Variants in PLCE1 observed in about 807,000 individuals in gnomAD.
The protein encoded by PLCE1 is 1-phosphatidylinositol 4,5-bisphosphate phosphodiesterase epsilon-1.
A neutral mutation model predicts 242.8 loss-of-function variants in PLCE1; 119 were observed. The observed-to-expected ratio is 0.49, with a 90% confidence interval of 0.42 to 0.57. The LOEUF is 0.57. Ranked by LOEUF, PLCE1 falls within the 20% of genes least tolerant of loss-of-function variation. The pLI, the probability that PLCE1 is intolerant of heterozygous loss-of-function variation, is 0.00. For missense variants in PLCE1, 2,441 were observed against 2,788.8 expected (o/e 0.88, Z 2.81); for synonymous variants, 945 against 1,017.4 (o/e 0.93, Z 1.35).
Position 94,254,527 on chromosome 10 carries a change from A to G in PLCE1, c.3397+220A>G, listed in dbSNP as rs2050997073. Among the ~76,000 whole-genome samples the G allele has an allele frequency of 6.6e-6, 1 of 152,218 alleles. No homozygotes were observed. The highest frequency in any genetic ancestry group is 1.5e-5 in the Non-Finnish European group (1 of 68,026). On this transcript the variant is annotated intron_variant, in intron 10 of 32. Transcript: ENST00000371380. ...TGCCATTACTGACAGGGAGTATTAG[A>G]TATACATGGTATAATTTGATGGATT...
intron 1 of PLCE1, among the ~76,000 whole-genome samples, chr10:93,996,081 A>G (rs1026465307): frequency 2.6e-5 from 4 of 152,058 alleles, no homozygotes; most frequent in Non-Finnish European, 5.9e-5. Flanking sequence ...CCTGGGCAAG[A>G]GGAGGGATTT....
At position 94,298,730 on chromosome 10, in the gene PLCE1, G is replaced by A; in HGVS notation, c.5458+61G>A. 1 of 1,577,094 alleles carries A rather than the reference G, an allele frequency of 6.3e-7. No homozygotes were observed. On this transcript the variant is annotated intron_variant, in intron 24 of 32. Transcript: ENST00000371380. The surrounding 1 kb of genome is among the most constrained non-coding windows in gnomAD (Gnocchi z 5.2). ...TCTTACATTTCAGTAAATGCAGTTTGACAGCATTTTTTCAAAGGGGCAAGA... is the reference window on the plus strand; with the variant it reads ...TCTTACATTTCAGTAAATGCAGTTTAACAGCATTTTTTCAAAGGGGCAAGA...
intron 22 of PLCE1, chr10:94,287,182 A>G (rs1396396889): frequency 1.3e-5 from 2 of 151,396 alleles, no homozygotes; most frequent in African/African-American, 4.9e-5. Context: ...TTCACATAGC[A>G]TACATTTCTT....
intron 4 of PLCE1, among the ~76,000 whole-genome samples, chr10:94,181,286 C>T (rs1401839041): frequency 6.6e-6 from 1 of 152,010 alleles, no homozygotes; most frequent in Non-Finnish European, 1.5e-5. Flanking sequence ...TTGAAAAGCT[C>T]CATGGGCCGG....
intron 24 of PLCE1, among the ~76,000 whole-genome samples, chr10:94,299,109 T>C (rs2052946353): frequency 6.6e-6 from 1 of 152,164 alleles, no homozygotes; most frequent in Non-Finnish European, 1.5e-5. Context: ...CCTTTTGGAA[T>C]TGAGATGGAG....
chr10:94,165,760 T>C (rs1453173288), intron 3 of PLCE1, among the ~76,000 whole-genome samples: 1 of 152,002 alleles, frequency 6.6e-6, no homozygotes, highest in African/African-American at 2.4e-5. Flanking sequence ...CAGGTTGGAA[T>C]GCAGTGGTGC....
rs2046359326 is a variant in PLCE1 at position 94,123,617 on chromosome 10, T to C, written c.1207-8557T>C. Among the ~76,000 whole-genome samples the C allele has an allele frequency of 2.6e-5, 4 of 152,208 alleles. No individual in the cohort carries two copies. The South Asian group carries it at 8.3e-4, about 32-fold the overall frequency. On this transcript the variant is annotated intron_variant, in intron 2 of 32. Transcript: ENST00000371380. ...TACCCCCTCCAACAGCCTCACTGTT[T>C]TTGTTGACTCTTCAGGAAATTCGAC...
intron 19 of PLCE1, among the ~76,000 whole-genome samples, chr10:94,277,755 A>G (rs540382445): frequency 7.2e-5 from 11 of 152,276 alleles, no homozygotes; most frequent in African/African-American, 2.2e-4. Flanking sequence ...CACTAATCCT[A>G]TGAGAGACTC....
At chr10:94,040,178 A>G (rs2061737957) in intron 2 of PLCE1, among the ~76,000 whole-genome samples, 1 of 152,040 alleles carries the variant, frequency 6.6e-6, no homozygotes, top group Non-Finnish European at 1.5e-5. Flanking sequence ...CTAGTCTCCA[A>G]CTTCTGGCCT....
intron 4 of PLCE1, among the ~76,000 whole-genome samples, chr10:94,178,896 G>T (rs376075436): frequency 6.6e-6 from 1 of 152,042 alleles, no homozygotes; most frequent in African/African-American, 2.4e-5. Context: ...GTTTAGAAAC[G>T]TCTCAATCAA....
At chr10:94,323,117 C>G (rs1308939409) in intron 30 of PLCE1, among the ~76,000 whole-genome samples, 1 of 152,208 alleles carries the variant, frequency 6.6e-6, no homozygotes, top group African/African-American at 2.4e-5. Context: ...CCAGAAATAC[C>G]TAAGCCAGTA....
At chr10:94,081,046 T>C (rs1262855477) in intron 2 of PLCE1, among the ~76,000 whole-genome samples, 1 of 152,234 alleles carries the variant, frequency 6.6e-6, no homozygotes, top group Admixed American at 6.5e-5. Flanking sequence ...GGCTAGATTA[T>C]GGGAGGAAAA....
chr10:94,071,221 C>T (rs1326995968), intron 2 of PLCE1, among the ~76,000 whole-genome samples: 3 of 152,018 alleles, frequency 2.0e-5, no homozygotes, highest in Non-Finnish European at 4.4e-5. Flanking sequence ...AAGGAGTGTC[C>T]TGCTCACATC....
At chr10:94,020,114 A>G (rs2061351155) in intron 1 of PLCE1, among the ~76,000 whole-genome samples, 1 of 152,232 alleles carries the variant, frequency 6.6e-6, no homozygotes, top group Non-Finnish European at 1.5e-5. Flanking sequence ...GTACCACTTT[A>G]TATTCTGACC....
intron 2 of PLCE1, among the ~76,000 whole-genome samples, chr10:94,092,023 G>A (rs2045093685): frequency 6.6e-6 from 1 of 152,186 alleles, no homozygotes; most frequent in African/African-American, 2.4e-5. Flanking sequence ...GTGTCTGTGT[G>A]TGAGCCACTG....
chr10:94,205,814 C>A (rs2049141146), intron 4 of PLCE1, among the ~76,000 whole-genome samples: 1 of 152,236 alleles, frequency 6.6e-6, no homozygotes, highest in Non-Finnish European at 1.5e-5. Flanking sequence ...GTGAACTCTT[C>A]CTCCTGTCGT....
At chr10:94,035,864 C>A (rs796367053) in intron 2 of PLCE1, among the ~76,000 whole-genome samples, 7 of 152,272 alleles carry the variant, frequency 4.6e-5, no homozygotes, top group African/African-American at 1.7e-4. Flanking sequence ...TAATGATATG[C>A]TCCTTTTCCT....
intron 2 of PLCE1, among the ~76,000 whole-genome samples, chr10:94,106,723 A>C (rs2045748569): frequency 6.6e-6 from 1 of 152,006 alleles, no homozygotes; most frequent in African/African-American, 2.4e-5. Flanking sequence ...TTTCCTCTGC[A>C]CACAAATTTG....
intron 2 of PLCE1, among the ~76,000 whole-genome samples, chr10:94,113,270 T>C (rs1336944696): frequency 3.6e-5 from 1 of 27,470 alleles, no homozygotes; most frequent in East Asian, 5.3e-4. Context: ...AAAGCTGCTG[T>C]TAAAAAAAAA....
Sources: gnomAD v4.1 joint callset for allele counts (sites outside exome capture counted in the v4.1 genomes callset) on GRCh38, gnomAD v4.1.1 for gene constraint, Gnocchi (gnomAD v3.1) non-coding constraint, MANE v1.5 for transcripts, NCBI Gene and HGNC (gene_info 2026-07-23, HGNC 2026-07-21) for gene names.